Variants in DOCK9 observed in about 807,000 individuals in gnomAD.
The protein encoded by DOCK9 is dedicator of cytokinesis 9.
A neutral mutation model predicts 263.3 loss-of-function variants in DOCK9; 89 were observed. The observed-to-expected ratio is 0.34, with a 90% CI of 0.28 to 0.40. The LOEUF is 0.40. DOCK9 is among the 10% of genes least tolerant of loss of function. DOCK9 has a pLI of 1.00. For missense variants in DOCK9, 2,140 were observed against 2,603.4 expected (o/e 0.82, Z 3.87); for synonymous variants, 976 against 973.1 (o/e 1.00, Z -0.06).
intron 1 of DOCK9, chr13:98,959,636 A>T (rs2058421759): frequency 6.6e-6 from 1 of 152,342 alleles, no homozygotes; most frequent in African/African-American, 2.4e-5. Context: ...GAAAGAAACA[A>T]TCAGAGGAGA....
chr13:98,805,227 C>T lies in DOCK9; in HGVS notation c.5515-18G>A. ...GGGTTGACCTTTAATTGAAACAGCA[C>T]AATGGGAGATTGGTGCTCCATGAAG... On this transcript the variant is annotated intron_variant, in intron 48 of 52. Transcript: ENST00000682017. 6.4e-7 allele frequency: 1 copy of T among 1,568,302 alleles called. No homozygotes were observed. Among genetic ancestry groups the T allele is most frequent in the Non-Finnish European group, 8.7e-7 (1 of 1,152,870 alleles).
intron 49 of DOCK9, 91 bp from the exon 50 acceptor site, chr13:98,800,569 G>T: frequency 7.2e-7 from 1 of 1,398,274 alleles, no homozygotes; most frequent in Non-Finnish European, 9.6e-7. Context: ...TATTATACAT[G>T]TCATTATTAC....
At chr13:98,987,308 T>C (rs568258673) in intron 1 of DOCK9, among the ~76,000 whole-genome samples, 2 of 152,178 alleles carry the variant, frequency 1.3e-5, no homozygotes, top group East Asian at 3.9e-4. Context: ...AAAAGAATTA[T>C]ACATGTAACA....
intron 1 of DOCK9, among the ~76,000 whole-genome samples, chr13:98,961,408 C>A (rs1231160922): frequency 1.3e-5 from 2 of 152,212 alleles, no homozygotes; most frequent in Non-Finnish European, 2.9e-5. Flanking sequence ...CACCTCTACA[C>A]CTGTCACAGT....
chr13:98,916,593 C>T (rs1326055237), intron 7 of DOCK9, among the ~76,000 whole-genome samples: 2 of 152,208 alleles, frequency 1.3e-5, no homozygotes, highest in Admixed American at 1.3e-4. Flanking sequence ...CAAGTGCTCC[C>T]CTTGGCAAAG....
At chr13:98,969,629 A>G (rs1193213090) in intron 1 of DOCK9, among the ~76,000 whole-genome samples, 3 of 152,256 alleles carry the variant, frequency 2.0e-5, no homozygotes, top group Non-Finnish European at 2.9e-5. Context: ...CAACGACGCC[A>G]TGATGGGCTA....
rs369137574 is a variant in DOCK9, at chr13:98,872,220, G to A, written c.2944-3843C>T. Among the ~76,000 whole-genome samples the A allele has an allele frequency of 2.0e-4, 30 of 152,282 alleles. 1 individual carries two copies. Among genetic ancestry groups the A allele is most frequent in the African/African-American group, 7.0e-4 (29 of 41,560 alleles). On this transcript the variant is annotated intron_variant, in intron 27 of 52. Coordinates refer to ENST00000682017, the MANE Select transcript of DOCK9 (RefSeq NM_001366683.2). ...TCTATGGGCTATTTTACTGCTTTCCGACGTAAATAAGACTTTTAATTAAGA... is the reference window on the plus strand; with the variant it reads ...TCTATGGGCTATTTTACTGCTTTCCAACGTAAATAAGACTTTTAATTAAGA...
At chr13:99,056,211 T>C (rs2040914797) in intron 1 of DOCK9, among the ~76,000 whole-genome samples, 1 of 152,228 alleles carries the variant, frequency 6.6e-6, no homozygotes, top group African/African-American at 2.4e-5. Context: ...AAAAATACTT[T>C]TGAAAGTGCA....
chr13:98,938,570 A>AC (rs2055287616), intron 2 of DOCK9, among the ~76,000 whole-genome samples: 2 of 152,358 alleles, frequency 1.3e-5, no homozygotes, highest in East Asian at 3.9e-4. Flanking sequence ...CAGTTGCATT[A>AC]CCTTAATTAT....
chr13:98,797,718 T>C (rs1231045324), intron 50 of DOCK9, among the ~76,000 whole-genome samples: 1 of 152,198 alleles, frequency 6.6e-6, no homozygotes, highest in Non-Finnish European at 1.5e-5. Flanking sequence ...GTTTACTTTA[T>C]GTAAGAAGAA....
upstream of DOCK9, among the ~76,000 whole-genome samples, chr13:98,978,676 AC>A (rs377090502): frequency 7.9e-5 from 12 of 152,268 alleles, no homozygotes; most frequent in African/African-American, 2.9e-4. Context: ...ATCAGAAGGT[AC>A]CCCCAGTACT....
chr13:98,922,981 T>C (rs1311099924), intron 5 of DOCK9, among the ~76,000 whole-genome samples: 1 of 152,200 alleles, frequency 6.6e-6, no homozygotes, highest in Non-Finnish European at 1.5e-5. Context: ...TCGAGATCTG[T>C]TGAAAAACAA....
At chr13:98,944,754 T>C (rs953618446) in intron 2 of DOCK9, among the ~76,000 whole-genome samples, 3 of 152,188 alleles carry the variant, frequency 2.0e-5, no homozygotes, top group African/African-American at 7.2e-5. Context: ...CAGCTGAACC[T>C]CACTTAAGGA....
At chr13:98,963,845 C>G (rs191664825) in intron 1 of DOCK9, among the ~76,000 whole-genome samples, 94 of 152,334 alleles carry the variant, frequency 6.2e-4, no homozygotes, top group South Asian at 5.2e-3. Flanking sequence ...TCTGAAGCCA[C>G]GTGCTCACAA....
chr13:98,864,642 T>C (rs1366540806), intron 30 of DOCK9, among the ~76,000 whole-genome samples: 1 of 152,210 alleles, frequency 6.6e-6, no homozygotes, highest in African/African-American at 2.4e-5. Flanking sequence ...AAACTACTTA[T>C]GGTTTAACTG....
intron 1 of DOCK9, among the ~76,000 whole-genome samples, chr13:98,974,396 G>A (rs975433302): frequency 6.6e-6 from 1 of 152,148 alleles, no homozygotes; most frequent in African/African-American, 2.4e-5. Flanking sequence ...GTAGGTGCCT[G>A]TAAGTTGAAC....
intron 9 of DOCK9, among the ~76,000 whole-genome samples, chr13:98,905,324 C>G (rs981508751): frequency 3.3e-5 from 5 of 152,130 alleles, no homozygotes; most frequent in African/African-American, 1.2e-4. Flanking sequence ...AGTCCCTAGT[C>G]CCAAGGAACA....
chr13:98,909,791 G>A (rs1000658405), intron 9 of DOCK9, among the ~76,000 whole-genome samples: 22 of 152,158 alleles, frequency 1.4e-4, no homozygotes, highest in African/African-American at 5.3e-4. Flanking sequence ...AAGAAAAGGT[G>A]TCCGTGAAAC....
At chr13:98,984,770 C>T (rs1472688759) in intron 1 of DOCK9, among the ~76,000 whole-genome samples, 2 of 152,010 alleles carry the variant, frequency 1.3e-5, no homozygotes, top group Non-Finnish European at 2.9e-5. Context: ...CTCTCTGGGC[C>T]CCACAGACTT....
Sources: gnomAD v4.1 joint callset for allele counts (sites outside exome capture counted in the v4.1 genomes callset) on GRCh38, gnomAD v4.1.1 for gene constraint, MANE v1.5 for transcripts, NCBI Gene and HGNC (gene_info 2026-07-23, HGNC 2026-07-21) for gene names.